The following TRAM2 variants were observed in gnomAD, a reference collection of about 807,000 sequenced individuals.
The protein encoded by TRAM2 is translocation associated membrane protein 2, also known as translocating chain-associated membrane protein 2.
In TRAM2, 12 loss-of-function variants were observed where a neutral mutation model predicts 51.0. The observed-to-expected ratio is 0.24, with a 90% CI of 0.15 to 0.38. The LOEUF (loss-of-function observed/expected upper bound fraction) is 0.38, where lower values mean the gene tolerates loss of function less well. Ranked by LOEUF, TRAM2 falls within the 10% of genes least tolerant of loss-of-function variation. The probability of loss-of-function intolerance (pLI) is 1.00; values close to 1 mark genes in which losing one functional copy is unlikely to be tolerated. For missense variants in TRAM2, 361 were observed against 462.0 expected, an observed-to-expected ratio of 0.78 and a Z score of 2.00; for synonymous variants, 175 against 179.4, an observed-to-expected ratio of 0.98 and a Z score of 0.20.
chr6:52,562,532 T>A (rs1371015604), intron 1 of TRAM2, among the ~76,000 whole-genome samples: 1 of 152,216 alleles, frequency 6.6e-6, no homozygotes, highest in East Asian at 1.9e-4. Context: ...TTGCCTCCTG[T>A]TACATACCAG....
chr6:52,568,696 A>G (rs1373947132), intron 1 of TRAM2, among the ~76,000 whole-genome samples: 1 of 152,144 alleles, frequency 6.6e-6, no homozygotes, highest in African/African-American at 2.4e-5. Context: ...TCCCTCTCCA[A>G]TAGCCACAGA....
rs76812738 is a variant in TRAM2, at chr6:52,522,706, A to G, written c.185-5969T>C. ...TAGTGGGTTATCCCACCTCCCATCA[A>G]AAATGACACTTACTTTGCTTATCTT... On this transcript the variant is annotated intron_variant, in intron 2 of 10. Transcript: ENST00000182527. Among the ~76,000 whole-genome samples the G allele has an allele frequency of 1.8e-3, 279 of 152,366 alleles. 1 individual carries two copies. Among genetic ancestry groups the G allele is most frequent in the African/African-American group, 6.3e-3 (264 of 41,584 alleles).
At chr6:52,542,112 T>C (rs1323743265) in intron 1 of TRAM2, among the ~76,000 whole-genome samples, 1 of 152,164 alleles carries the variant, frequency 6.6e-6, no homozygotes, top group Non-Finnish European at 1.5e-5. Flanking sequence ...TTCTCCCAGC[T>C]CGGCCTGTTT....
At chr6:52,556,589 T>C (rs1198239618) in intron 1 of TRAM2, among the ~76,000 whole-genome samples, 1 of 149,668 alleles carries the variant, frequency 6.7e-6, no homozygotes, top group African/African-American at 2.4e-5. Flanking sequence ...GCCCAATCTG[T>C]AAATTTCTTA....
In TRAM2 at chr6:52,527,835, G is replaced by A. The variant is rs568960353; in HGVS notation, c.184+7948C>T. 3.9e-5 allele frequency among the ~76,000 whole-genome samples: 6 copies of A among 152,298 alleles called. No homozygotes were observed. The South Asian group carries it at 8.3e-4, about 21-fold the overall frequency. On this transcript the variant is annotated intron_variant, in intron 2 of 10. Coordinates refer to ENST00000182527, the MANE Select transcript of TRAM2 (RefSeq NM_012288.4). ...ATTCATTGAGCTGAACACATGATTTGTCCACCTTTCTGCACAATTGTTACA... is the reference window on the plus strand; with the variant it reads ...ATTCATTGAGCTGAACACATGATTTATCCACCTTTCTGCACAATTGTTACA...
intron 1 of TRAM2, among the ~76,000 whole-genome samples, chr6:52,576,311 C>T (rs1450797726): frequency 2.0e-5 from 3 of 152,208 alleles, no homozygotes; most frequent in African/African-American, 7.2e-5. Context: ...ATGCAAAACA[C>T]CCAGAAAATC....
chr6:52,547,315 A>G (rs1767222174), intron 1 of TRAM2, among the ~76,000 whole-genome samples: 3 of 152,322 alleles, frequency 2.0e-5, no homozygotes, highest in African/African-American at 7.2e-5. Flanking sequence ...ACTGAGATCC[A>G]GTGCTGCAGA....
At chr6:52,521,080 T>C (rs972794709) in intron 2 of TRAM2, among the ~76,000 whole-genome samples, 1 of 152,036 alleles carries the variant, frequency 6.6e-6, no homozygotes, top group Admixed American at 6.5e-5. Context: ...TTTTTTTTTT[T>C]TGTATTTTTA....
At chr6:52,516,980 C>T in intron 2 of TRAM2, 1 of 505,460 alleles carries the variant, frequency 2.0e-6, no homozygotes, top group South Asian at 2.1e-5. Context: ...AACAGTATCT[C>T]CTGAGTCTGT....
intron 1 of TRAM2, among the ~76,000 whole-genome samples, chr6:52,537,861 CCT>C (rs759030392): frequency 1.3e-5 from 2 of 152,268 alleles, no homozygotes; most frequent in Non-Finnish European, 1.5e-5. Flanking sequence ...ACTTATTCCC[CCT>C]CTGTCGTGGG....
chr6:52,535,960 C>T (rs865998416), intron 1 of TRAM2, 114 bp from the exon 2 acceptor site: 22 of 812,900 alleles, frequency 2.7e-5, no homozygotes, highest in African/African-American at 1.4e-4. Context: ...CTTGACTGAA[C>T]GGTTCTGCCT....
chr6:52,538,299 G>C (rs1252193097), intron 1 of TRAM2, among the ~76,000 whole-genome samples: 4 of 152,270 alleles, frequency 2.6e-5, no homozygotes. Context: ...GGCTTGGGTT[G>C]TCTGCCATCC....
intron 6 of TRAM2, 59 bp downstream of exon 6, chr6:52,508,175 T>G: frequency 6.6e-7 from 1 of 1,504,640 alleles, no homozygotes. Flanking sequence ...CCCCTGGGAA[T>G]AGCAGGAGGG....
chr6:52,540,736 T>C (rs1434087575), intron 1 of TRAM2, among the ~76,000 whole-genome samples: 1 of 152,158 alleles, frequency 6.6e-6, no homozygotes, highest in African/African-American at 2.4e-5. Flanking sequence ...AAAATGTCAT[T>C]CCAATTATTT....
At chr6:52,575,114 T>C (rs1359532183) in intron 1 of TRAM2, among the ~76,000 whole-genome samples, 1 of 152,250 alleles carries the variant, frequency 6.6e-6, no homozygotes, top group African/African-American at 2.4e-5. Flanking sequence ...TGATAAATAA[T>C]CACAGGGCTC....
chr6:52,522,843 G>A (rs538325474), intron 2 of TRAM2: 84 of 696,754 alleles, frequency 1.2e-4, no homozygotes, highest in Admixed American at 2.6e-4. Context: ...CTCCTGCTCC[G>A]TTTCCTATGA....
intron 7 of TRAM2, 21 bp downstream of exon 7, chr6:52,507,531 CT>C (rs748921166): frequency 9.3e-6 from 15 of 1,613,192 alleles, no homozygotes; most frequent in Admixed American, 5.0e-5. Context: ...GGAAATCTGG[CT>C]GGCTCCATGG....
intron 1 of TRAM2, among the ~76,000 whole-genome samples, chr6:52,576,042 C>T (rs559538262): frequency 4.6e-5 from 7 of 152,134 alleles, no homozygotes; most frequent in East Asian, 1.9e-4. Context: ...CTCTGCCCCC[C>T]ACTCCTACAC....
At chr6:52,539,235 G>A (rs753117082) in intron 1 of TRAM2, among the ~76,000 whole-genome samples, 9 of 152,180 alleles carry the variant, frequency 5.9e-5, no homozygotes, top group Non-Finnish European at 1.3e-4. Context: ...AAGAGACTAC[G>A]AAAAGGACAT....
Sources: gnomAD v4.1 joint callset for allele counts (sites outside exome capture counted in the v4.1 genomes callset) on GRCh38, gnomAD v4.1.1 for gene constraint, MANE v1.5 for transcripts, NCBI Gene and HGNC (gene_info 2026-07-23, HGNC 2026-07-21) for gene names.